AKAP6: variants seen among roughly 807,000 people sequenced by gnomAD.
AKAP6 encodes the protein A-kinase anchoring protein 6.
Under a neutral mutation model 188.5 loss-of-function variants are expected in AKAP6, and 58 were observed. The ratio of observed to expected loss-of-function variants is 0.31; its 90% CI spans 0.25 to 0.38. The LOEUF is 0.38. AKAP6 is among the 10% of genes least tolerant of loss of function. The probability of loss-of-function intolerance (pLI) is 1.00; values close to 1 mark genes in which losing one functional copy is unlikely to be tolerated. For synonymous variants in AKAP6, 989 were observed against 998.6 expected, an observed-to-expected ratio of 0.99 and a Z score of 0.18; for missense variants, 2,710 against 2,740.0, an observed-to-expected ratio of 0.99 and a Z score of 0.24.
chr14:32,540,131 GCTCTCT>G (rs1216788649), intron 3 of AKAP6, among the ~76,000 whole-genome samples: 1,336 of 66,396 alleles, frequency 0.02, 28 homozygotes, highest in Admixed American at 0.045. Context: ...TTGCTCGTGC[GCTCTCT>G]CTCTCTCTCT....
intron 2 of AKAP6, among the ~76,000 whole-genome samples, chr14:32,457,348 T>C (rs969728313): frequency 6.6e-6 from 1 of 152,286 alleles, no homozygotes; most frequent in Non-Finnish European, 1.5e-5. Flanking sequence ...TTGAGGATTC[T>C]GAACCCTATT....
chr14:32,419,517 G>A (rs1889768605), intron 1 of AKAP6, among the ~76,000 whole-genome samples: 1 of 152,168 alleles, frequency 6.6e-6, no homozygotes, highest in Admixed American at 6.6e-5. Flanking sequence ...TTAGCTGACA[G>A]ATGTGGCTTA....
intron 2 of AKAP6, among the ~76,000 whole-genome samples, chr14:32,494,850 T>C (rs1880227407): frequency 6.6e-6 from 1 of 152,178 alleles, no homozygotes; most frequent in Admixed American, 6.5e-5. Flanking sequence ...ATAACTTCAG[T>C]GTTTCCCGTC....
Position 32,833,709 on chromosome 14 carries a change from G to C in AKAP6, c.*3904G>C, listed in dbSNP as rs1290427742. On this transcript the variant is annotated 3_prime_UTR_variant, in exon 14 of 14. Coordinates refer to ENST00000280979, the MANE Select transcript of AKAP6 (RefSeq NM_004274.5). ...AGTCAATTTGCTTTAGCTTCCAAAA[G>C]AAGTTGAAATTTTTTAGAATTTTAA... is the stretch of plus-strand genomic sequence containing the variant. The C allele has an allele frequency of 6.6e-6, 1 of 152,096 alleles. No homozygotes were observed. The highest frequency in any genetic ancestry group is 6.5e-5 in the Admixed American group (1 of 15,274). 9.4% of individuals were successfully genotyped at this position (152,096 alleles called of 1,614,324 possible). A position where few individuals can be genotyped will look rare whatever the true frequency, so the allele number is the denominator to read the frequency against.
chr14:32,379,095 A>AT (rs1296042727), intron 1 of AKAP6, among the ~76,000 whole-genome samples: 1 of 151,578 alleles, frequency 6.6e-6, no homozygotes, highest in East Asian at 1.9e-4. Flanking sequence ...CTTTTTTTGT[A>AT]TTTTTAGTAG....
intron 7 of AKAP6, among the ~76,000 whole-genome samples, chr14:32,612,886 G>A (rs1886412744): frequency 6.6e-6 from 1 of 152,130 alleles, no homozygotes; most frequent in African/African-American, 2.4e-5. Flanking sequence ...ACAAGATTAG[G>A]TGAGATTGAA....
At chr14:32,420,966 C>G (rs1889828178) in intron 1 of AKAP6, among the ~76,000 whole-genome samples, 1 of 136,250 alleles carries the variant, frequency 7.3e-6, no homozygotes. Context: ...TTTATTCTAC[C>G]CTCTCATTGA....
chr14:32,356,844 A>G lies in AKAP6; in HGVS notation c.-35+27436A>G, dbSNP rs570241001. Among the ~76,000 whole-genome samples the G allele has an allele frequency of 7.9e-5, 12 of 152,082 alleles. No individual in the cohort carries two copies. The South Asian group carries it at 1.5e-3, about 18-fold the overall frequency. On this transcript the variant is annotated intron_variant, in intron 1 of 13. Coordinates refer to ENST00000280979, the MANE Select transcript of AKAP6 (RefSeq NM_004274.5). ...TATCCCCTAGCCTTGCTCACTTGCT[A>G]ATTTGTACTCATCTATCAAGATGGG... is the stretch of plus-strand genomic sequence containing the variant.
At chr14:32,664,875 T>C (rs775024018) in intron 7 of AKAP6, among the ~76,000 whole-genome samples, 1 of 152,034 alleles carries the variant, frequency 6.6e-6, no homozygotes, top group Non-Finnish European at 1.5e-5. Flanking sequence ...ACTCAAGACT[T>C]GGAGGTACTT....
chr14:32,777,866 C>T (rs1260682067), intron 12 of AKAP6, among the ~76,000 whole-genome samples: 2 of 152,078 alleles, frequency 1.3e-5, no homozygotes, highest in Non-Finnish European at 1.5e-5. Flanking sequence ...AGCAAGACCT[C>T]ATTTCTACAA....
intron 2 of AKAP6, among the ~76,000 whole-genome samples, chr14:32,448,153 C>T (rs865992280): frequency 2.0e-5 from 3 of 152,194 alleles, no homozygotes; most frequent in African/African-American, 7.2e-5. Context: ...AATCTGGCAT[C>T]CACATCTTAT....
chr14:32,582,592 T>G (rs1885028066), intron 5 of AKAP6, among the ~76,000 whole-genome samples: 1 of 152,236 alleles, frequency 6.6e-6, no homozygotes, highest in Admixed American at 6.5e-5. Context: ...GTTTTCCAAC[T>G]TGGTTCCATT....
chr14:32,673,155 G>C (rs1340507460), intron 7 of AKAP6, among the ~76,000 whole-genome samples: 1 of 152,098 alleles, frequency 6.6e-6, no homozygotes, highest in Non-Finnish European at 1.5e-5. Flanking sequence ...TTCTTCACCT[G>C]ACAAGGTCAG....
At position 32,829,846 on chromosome 14, in the gene AKAP6, A is replaced by T. The variant is rs1158925433; in HGVS notation, c.*43-2A>T. 1 of 698,544 alleles carries T rather than the reference A, an allele frequency of 1.4e-6. No individual in the cohort carries two copies. The highest frequency in any genetic ancestry group is 2.0e-5 in the Admixed American group (1 of 49,154). The allele number at this position is 698,544 out of a possible 1,614,324, so 43.3% of individuals were successfully genotyped here. On this transcript the variant is annotated splice_acceptor_variant, in intron 13 of 13. Transcript: ENST00000280979. LOFTEE classifies it low-confidence loss of function (3UTR_SPLICE). ...TTCTTGTCACTTTTTTGTTTCTTGT[A>T]GATACGCCTGGCTGCAACTCAGGGG...
chr14:32,332,281 C>T (rs1162686453), intron 1 of AKAP6, among the ~76,000 whole-genome samples: 1 of 152,096 alleles, frequency 6.6e-6, no homozygotes, highest in Non-Finnish European at 1.5e-5. Context: ...ATATACCATA[C>T]AGATCAGTCA....
intron 2 of AKAP6, among the ~76,000 whole-genome samples, chr14:32,520,686 A>G (rs925707143): frequency 6.6e-6 from 1 of 152,218 alleles, no homozygotes; most frequent in Non-Finnish European, 1.5e-5. Flanking sequence ...AGGCTCTGAA[A>G]TTGAGGCAGT....
At chr14:32,522,546 T>A (rs1477634690) in intron 2 of AKAP6, among the ~76,000 whole-genome samples, 1 of 152,120 alleles carries the variant, frequency 6.6e-6, no homozygotes. Context: ...ACAGACACTT[T>A]TCAAAAGAAG....
At chr14:32,770,007 A>G (rs770779136) in intron 11 of AKAP6, among the ~76,000 whole-genome samples, 1 of 152,220 alleles carries the variant, frequency 6.6e-6, no homozygotes, top group Non-Finnish European at 1.5e-5. Context: ...ATGGTGTTAA[A>G]CTGAAGCCAA....
intron 2 of AKAP6, among the ~76,000 whole-genome samples, chr14:32,469,190 T>C (rs1054469920): frequency 6.6e-6 from 1 of 152,192 alleles, no homozygotes; most frequent in Non-Finnish European, 1.5e-5. Context: ...CTGGTAAAGT[T>C]CATCAACTTG....
Sources: allele counts gnomAD v4.1 joint callset (sites outside exome capture counted in the v4.1 genomes callset), GRCh38; gene constraint gnomAD v4.1.1; transcripts MANE v1.5; gene names NCBI Gene and HGNC (gene_info 2026-07-23, HGNC 2026-07-21).